LNX1: variants seen among roughly 807,000 people sequenced by gnomAD.
LNX1 encodes the protein E3 ubiquitin-protein ligase LNX.
Under a neutral mutation model 68.4 loss-of-function variants are expected in LNX1, and 54 were observed. That is an observed-to-expected ratio of 0.79 (90% CI 0.63 to 0.99). The LOEUF is 0.99. Among genes scored for constraint, LNX1 ranks in the 50% least tolerant of loss-of-function variants. The pLI is 0.00. For synonymous variants in LNX1, 336 were observed against 350.0 expected, an observed-to-expected ratio of 0.96 and a Z score of 0.45; for missense variants, 906 against 926.4, an observed-to-expected ratio of 0.98 and a Z score of 0.29.
intron 2 of LNX1, among the ~76,000 whole-genome samples, chr4:53,517,834 G>C (rs1421421232): frequency 2.0e-5 from 3 of 152,194 alleles, no homozygotes; most frequent in Admixed American, 6.5e-5. Flanking sequence ...TATCAGTTGA[G>C]AAGTAAAAGA....
At chr4:53,549,772 TC>T (rs899716840) in intron 2 of LNX1, among the ~76,000 whole-genome samples, 1 of 152,198 alleles carries the variant, frequency 6.6e-6, no homozygotes, top group Non-Finnish European at 1.5e-5. Context: ...ATCTTTTCTC[TC>T]CTTTTATATT....
At chr4:53,567,583 G>T (rs1167944992) in intron 2 of LNX1, among the ~76,000 whole-genome samples, 1 of 151,872 alleles carries the variant, frequency 6.6e-6, no homozygotes, top group Admixed American at 6.6e-5. Flanking sequence ...ACAATTAAAA[G>T]AACTAGAAAA....
chr4:53,570,338 A>C (rs1371518826), intron 2 of LNX1, among the ~76,000 whole-genome samples: 1 of 150,398 alleles, frequency 6.6e-6, no homozygotes, highest in East Asian at 1.9e-4. Flanking sequence ...GTAGCCATAA[A>C]AAATGATGAG....
chr4:53,557,744 G>T, intron 2 of LNX1: 1 of 1,034,342 alleles, frequency 9.7e-7, no homozygotes, highest in African/African-American at 1.7e-5. Flanking sequence ...TGCTGGCAGG[G>T]TGCTTTGTCC....
chr4:53,496,000 T>A, intron 6 of LNX1, 23 bp downstream of exon 6: 1 of 1,596,692 alleles, frequency 6.3e-7, no homozygotes, highest in Admixed American at 1.7e-5. Context: ...CTGACTGGGA[T>A]CCTGGAATGA....
intron 4 of LNX1, among the ~76,000 whole-genome samples, chr4:53,502,801 G>A (rs377290371): frequency 1.2e-4 from 18 of 152,174 alleles, no homozygotes; most frequent in African/African-American, 3.9e-4. Flanking sequence ...CTTTGTTGTC[G>A]TTTCAACAAT....
chr4:53,592,036 G>A (rs762992650), upstream of LNX1, among the ~76,000 whole-genome samples: 33 of 152,120 alleles, frequency 2.2e-4, no homozygotes, highest in Non-Finnish European at 3.5e-4. Flanking sequence ...ATTTGAAATA[G>A]GATACCTGTC....
At chr4:53,571,714 G>A (rs1731184430) in intron 2 of LNX1, among the ~76,000 whole-genome samples, 1 of 151,904 alleles carries the variant, frequency 6.6e-6, no homozygotes, top group Non-Finnish European at 1.5e-5. Context: ...TTAGGCTGGA[G>A]TGCAGTAGCG....
At chr4:53,467,286 T>C (rs1285633284) in intron 9 of LNX1, among the ~76,000 whole-genome samples, 2 of 152,140 alleles carry the variant, frequency 1.3e-5, no homozygotes, top group Non-Finnish European at 2.9e-5. Context: ...GGGTCCTGAC[T>C]GCTGGAAGGA....
intron 5 of LNX1, among the ~76,000 whole-genome samples, chr4:53,497,510 G>C (rs1725151917): frequency 6.6e-6 from 1 of 152,226 alleles, no homozygotes; most frequent in African/African-American, 2.4e-5. Context: ...GCACAGGTGA[G>C]GAGAGCACCT....
At chr4:53,637,393 C>A (rs1734521214) in intron 1 of LNX1, among the ~76,000 whole-genome samples, 1 of 151,830 alleles carries the variant, frequency 6.6e-6, no homozygotes, top group Non-Finnish European at 1.5e-5. Context: ...CATGGTGCAG[C>A]TCTTATGATG....
chr4:53,502,701 TAA>T (rs1725592664), intron 4 of LNX1, among the ~76,000 whole-genome samples: 1 of 152,244 alleles, frequency 6.6e-6, no homozygotes, highest in Admixed American at 6.5e-5. Flanking sequence ...TGATAGCATT[TAA>T]ACTTCAGTAG....
At chr4:53,606,642 A>AGAT (rs1733246760) in intron 2 of LNX1, among the ~76,000 whole-genome samples, 1 of 152,150 alleles carries the variant, frequency 6.6e-6, no homozygotes, top group East Asian at 1.9e-4. Flanking sequence ...AACCTGGCAG[A>AGAT]CATACAATAA....
chr4:53,601,403 C>A (rs1733008817), intron 2 of LNX1, among the ~76,000 whole-genome samples: 1 of 152,272 alleles, frequency 6.6e-6, no homozygotes, highest in South Asian at 2.1e-4. Flanking sequence ...GGAAATGCAG[C>A]TTTGACAAGT....
At chr4:53,608,016 G>T (rs1337665210) in intron 2 of LNX1, among the ~76,000 whole-genome samples, 1 of 152,044 alleles carries the variant, frequency 6.6e-6, no homozygotes, top group Non-Finnish European at 1.5e-5. Flanking sequence ...TAAAAACCCT[G>T]GGAGAAAACC....
chr4:53,613,521 G>T lies in LNX1; in HGVS notation c.-215+2996C>A, dbSNP rs80136106. Among the ~76,000 whole-genome samples the T allele has an allele frequency of 4.0e-5, 6 of 151,872 alleles. 1 individual carries two copies. The highest frequency in any genetic ancestry group is 2.0e-4 in the Admixed American group (3 of 15,248). ...TCCTCTCCGTCCTCCACCCCCCACCGTCCAGTAAGCCCCAGTGTGCATTGT... is the reference window on the plus strand; with the variant it reads ...TCCTCTCCGTCCTCCACCCCCCACCTTCCAGTAAGCCCCAGTGTGCATTGT... On this transcript the variant is annotated intron_variant, in intron 2 of 3. Coordinates refer to the LNX1 transcript ENST00000504299.
At chr4:53,574,138 T>A in intron 1 of LNX1, 50 bp from the exon 2 acceptor site, 6 of 1,303,954 alleles carry the variant, frequency 4.6e-6, no homozygotes, top group Non-Finnish European at 6.1e-6. Context: ...CATGAAAGGC[T>A]TATGCTTATG....
chr4:53,646,119 T>C (rs1734875588), intron 1 of LNX1, among the ~76,000 whole-genome samples: 1 of 152,342 alleles, frequency 6.6e-6, no homozygotes, highest in East Asian at 1.9e-4. Context: ...TCTTATGACA[T>C]CCATACCTGG....
chr4:53,546,911 AG>A (rs1301989364), intron 2 of LNX1, among the ~76,000 whole-genome samples: 1 of 152,224 alleles, frequency 6.6e-6, no homozygotes, highest in Non-Finnish European at 1.5e-5. Flanking sequence ...GCGAGGCCTC[AG>A]CCACTGACAA....
Sources: allele counts gnomAD v4.1 joint callset (sites outside exome capture counted in the v4.1 genomes callset), GRCh38; gene constraint gnomAD v4.1.1; transcripts MANE v1.5; gene names NCBI Gene and HGNC (gene_info 2026-07-23, HGNC 2026-07-21).